TOP1MT: variants seen among roughly 807,000 people sequenced by gnomAD.
The protein encoded by TOP1MT is DNA topoisomerase I mitochondrial.
Under a neutral mutation model 73.9 loss-of-function variants are expected in TOP1MT, and 80 were observed. The observed-to-expected ratio is 1.08, with a 90% confidence interval of 0.90 to 1.30. The LOEUF is 1.30. Ranked by LOEUF, TOP1MT falls within the 50% of genes most tolerant of loss-of-function variation. The pLI, the probability that TOP1MT is intolerant of heterozygous loss-of-function variation, is 0.00. For synonymous variants in TOP1MT, 338 were observed against 326.4 expected (o/e 1.04, Z -0.38); for missense variants, 815 against 808.0 (o/e 1.01, Z -0.10).
chr8:143,332,629 C>T, intron 1 of TOP1MT: 1 of 1,237,834 alleles, frequency 8.1e-7, no homozygotes, highest in Non-Finnish European at 1.1e-6. Flanking sequence ...GTGCAACAGA[C>T]ATTTCTGAAA....
rs547857467 is a variant in TOP1MT at position 143,312,173 on chromosome 8, C to A, written c.1554-1956G>T. Among the ~76,000 whole-genome samples, 174 of 152,188 alleles carry A rather than the reference C, an allele frequency of 1.1e-3. 1 individual carries two copies. The highest frequency in any genetic ancestry group is 3.8e-3 in the African/African-American group (157 of 41,532). On this transcript the variant is annotated intron_variant, in intron 12 of 13. Transcript: ENST00000329245. ...GCAAGACTCTCTCTTTAAAAAGGCA[C>A]CAATTTTTCATAAACTTTCATGAAA...
chr8:143,332,391 TG>T, intron 1 of TOP1MT: 1 of 946,048 alleles, frequency 1.1e-6, no homozygotes. Flanking sequence ...GGCGAGAGGG[TG>T]GGAGCACCAT....
chr8:143,349,316 C>T (rs1321367008), upstream of TOP1MT, among the ~76,000 whole-genome samples: 1 of 145,782 alleles, frequency 6.9e-6, no homozygotes, highest in Non-Finnish European at 1.5e-5. Context: ...TCCCACCCCC[C>T]TGCCCCCTGC....
chr8:143,322,749 A>C (rs1215535239), intron 7 of TOP1MT, among the ~76,000 whole-genome samples: 1 of 28,684 alleles, frequency 3.5e-5, no homozygotes, highest in Non-Finnish European at 5.6e-5. Context: ...CCACACACGC[A>C]CGCACGCCAC....
intron 4 of TOP1MT, 58 bp from the exon 5 acceptor site, chr8:143,325,591 G>C (rs1270043648): frequency 1.1e-5 from 16 of 1,522,140 alleles, no homozygotes; most frequent in African/African-American, 6.8e-5. Flanking sequence ...ACAGGCCTCA[G>C]TCCGTTGTTG....
intron 3 of TOP1MT, among the ~76,000 whole-genome samples, chr8:143,326,626 G>C (rs1309542401): frequency 6.6e-6 from 1 of 152,156 alleles, no homozygotes; most frequent in Non-Finnish European, 1.5e-5. Flanking sequence ...TAGTAAAACT[G>C]GCTAAAACCT....
At chr8:143,323,910 CCCA>C in intron 7 of TOP1MT, 86 bp downstream of exon 7, 3 of 1,478,392 alleles carry the variant, frequency 2.0e-6, no homozygotes, top group South Asian at 2.4e-5. Flanking sequence ...CACACACAGG[CCCA>C]CGTCGCCACA....
At chr8:143,343,052 C>G (rs1029284775) in intron 2 of TOP1MT, 1 of 404,414 alleles carries the variant, frequency 2.5e-6, no homozygotes, top group Non-Finnish European at 5.0e-6. Context: ...TGAGCCACCA[C>G]GCCTGGCCTG....
At chr8:143,347,454 T>A (rs1158529926), upstream of TOP1MT, among the ~76,000 whole-genome samples, 2 of 152,116 alleles carry the variant, frequency 1.3e-5, no homozygotes, top group Admixed American at 1.3e-4. Context: ...CGCACCCAGC[T>A]AATTTTTGTA....
chr8:143,332,095 G>A (rs941950753), intron 1 of TOP1MT, among the ~76,000 whole-genome samples: 8 of 152,298 alleles, frequency 5.3e-5, no homozygotes, highest in South Asian at 2.1e-4. Context: ...CACAGCCAGC[G>A]TGGCGGCTAC....
chr8:143,331,592 G>A (rs1816857677), intron 1 of TOP1MT, among the ~76,000 whole-genome samples: 1 of 152,196 alleles, frequency 6.6e-6, no homozygotes, highest in Non-Finnish European at 1.5e-5. Flanking sequence ...ACCAAGCCCA[G>A]CTAAGCGGGA....
At chr8:143,309,705 G>A (rs1296155527) in intron 13 of TOP1MT, 162 bp from the exon 14 acceptor site, 2 of 1,516,154 alleles carry the variant, frequency 1.3e-6, no homozygotes, top group Middle Eastern at 2.1e-4. Context: ...CCCCACGCAT[G>A]CCGCCACCCT....
At chr8:143,359,378 G>A, upstream of TOP1MT, 4 of 985,448 alleles carry the variant, frequency 4.1e-6, no homozygotes, top group Non-Finnish European at 4.8e-6. Flanking sequence ...AAAGGCCCTG[G>A]GGCAAAGCGC....
upstream of TOP1MT, among the ~76,000 whole-genome samples, chr8:143,345,246 C>G (rs1459543414): frequency 6.6e-6 from 1 of 152,232 alleles, no homozygotes; most frequent in Non-Finnish European, 1.5e-5. Flanking sequence ...CTGGGCAGAG[C>G]CACGCACTGA....
At chr8:143,326,108 G>A (rs1816700069) in intron 4 of TOP1MT, 114 bp downstream of exon 4, 2 of 1,256,414 alleles carry the variant, frequency 1.6e-6, no homozygotes, top group African/African-American at 1.5e-5. Flanking sequence ...GAAAAGAGCA[G>A]CTTTGTGAGA....
At chr8:143,312,896 G>A (rs1816049777) in intron 12 of TOP1MT, among the ~76,000 whole-genome samples, 1 of 152,172 alleles carries the variant, frequency 6.6e-6, no homozygotes, top group African/African-American at 2.4e-5. Context: ...AGAGTAGCTT[G>A]GGCAACATAC....
chr8:143,359,208 T>G (rs1209626978), upstream of TOP1MT: 3 of 984,414 alleles, frequency 3.0e-6, no homozygotes, highest in East Asian at 2.3e-4. Context: ...GGGTTTTAGC[T>G]GGGAGCTTAT....
upstream of TOP1MT, among the ~76,000 whole-genome samples, chr8:143,335,799 C>T (rs956492164): frequency 2.0e-5 from 3 of 152,230 alleles, no homozygotes; most frequent in South Asian, 2.1e-4. Flanking sequence ...GGGCTGCCAC[C>T]GCACGCCCTC....
intron 8 of TOP1MT, among the ~76,000 whole-genome samples, chr8:143,319,522 G>A (rs890331629): frequency 2.6e-5 from 4 of 151,894 alleles, no homozygotes; most frequent in East Asian, 3.9e-4. Flanking sequence ...ACGTCACTGC[G>A]ACGTGGCGCC....
Sources: gnomAD v4.1 joint callset for allele counts (sites outside exome capture counted in the v4.1 genomes callset) on GRCh38, gnomAD v4.1.1 for gene constraint, MANE v1.5 for transcripts, NCBI Gene and HGNC (gene_info 2026-07-23, HGNC 2026-07-21) for gene names.